The following MKRN2 variants were observed in gnomAD, a reference collection of about 807,000 sequenced individuals.
MKRN2 encodes makorin ring finger protein 2, also known as E3 ubiquitin-protein ligase makorin-2.
Under a neutral mutation model 45.4 loss-of-function variants are expected in MKRN2, and 32 were observed. That is an observed-to-expected ratio of 0.70 (90% confidence interval 0.53 to 0.95). The LOEUF is 0.95. Ranked by LOEUF, MKRN2 falls within the 40% of genes least tolerant of loss-of-function variation. The pLI, the probability that MKRN2 is intolerant of heterozygous loss-of-function variation, is 0.00. For missense variants in MKRN2, 526 were observed against 536.7 expected (o/e 0.98, Z 0.20); for synonymous variants, 206 against 192.4 (o/e 1.07, Z -0.59).
chr3:12,574,779 G>C lies in MKRN2; in HGVS notation c.643-13G>C. On this transcript the variant is annotated splice_polypyrimidine_tract_variant and intron_variant, in intron 4 of 7. Coordinates refer to ENST00000170447, the MANE Select transcript of MKRN2 (RefSeq NM_014160.5). ...GCCCACAACCAAAGCCTTCCTTCCT[G>C]TCTGTGCTTCAGATCTGCATGTTGA... 1 of 1,609,630 alleles carries C rather than the reference G, an allele frequency of 6.2e-7. No homozygotes were observed. Among genetic ancestry groups the C allele is most frequent in the Non-Finnish European group, 8.5e-7 (1 of 1,177,210 alleles).
At chr3:12,561,783 TA>T (rs1297601155) in intron 1 of MKRN2, among the ~76,000 whole-genome samples, 3 of 151,328 alleles carry the variant, frequency 2.0e-5, no homozygotes, top group African/African-American at 4.9e-5. Flanking sequence ...CTTTTTTTTT[TA>T]AATTATTATA....
At position 12,582,521 on chromosome 3, in the gene MKRN2, AC is replaced by A; in HGVS notation, c.*269del. On this transcript the variant is annotated 3_prime_UTR_variant, in exon 8 of 8. Coordinates refer to ENST00000170447, the MANE Select transcript of MKRN2 (RefSeq NM_014160.5). ...GCCCCTCAGGGGTAACAACTAACAA[AC>A]ACCCAAACTGTTTGGATTGATTGCT... 2 of 356,106 alleles carry A rather than the reference AC, an allele frequency of 5.6e-6. No homozygotes were observed. The highest frequency in any genetic ancestry group is 1.6e-3 in the Middle Eastern group (2 of 1,230). 22.1% of individuals were successfully genotyped at this position (356,106 alleles called of 1,614,324 possible).
At position 12,582,178 on chromosome 3, in the gene MKRN2, C is replaced by G. The variant is rs2058186407; in HGVS notation, c.1176C>G (p.Asn392Lys). The change falls in exon 8 of 8, where the codon AAC becomes AAG. Residue 392 changes from asparagine (N) to lysine (K), a missense_variant. Coordinates refer to ENST00000170447, the MANE Select transcript of MKRN2 (RefSeq NM_014160.5). ...ACCGAGAAAGCCGGCATGTCCCCAA[C>G]AATGAAGATGTCGACATGACAGAGC... is the stretch of plus-strand genomic sequence containing the variant. Reference protein sequence around the residue: ...IENRESRHVPNNEDVDMTELG... With the variant: ...IENRESRHVPKNEDVDMTELG... 1 of 1,614,142 alleles carries G rather than the reference C, an allele frequency of 6.2e-7. No homozygotes were observed. Among genetic ancestry groups the G allele is most frequent in the South Asian group, 1.1e-5 (1 of 91,062 alleles).
rs141262624 is a variant in MKRN2 at position 12,566,908 on chromosome 3, T to G, written c.27-1967T>G. ...GTGAGCCACCACACCTAGTATTTGG[T>G]CTTATTTAAATCATCCATTTCTCTC... On this transcript the variant is annotated intron_variant, in intron 1 of 7. Transcript: ENST00000170447. 1.6e-3 allele frequency among the ~76,000 whole-genome samples: 244 copies of G among 152,356 alleles called. 3 individuals carry two copies. The highest frequency in any genetic ancestry group is 3.1e-3 in the Admixed American group (47 of 15,298).
At chr3:12,575,867 G>A (rs1235808259) in intron 5 of MKRN2, among the ~76,000 whole-genome samples, 3 of 152,096 alleles carry the variant, frequency 2.0e-5, no homozygotes, top group African/African-American at 4.8e-5. Flanking sequence ...CCTTCTCCTG[G>A]CGGAATATGT....
chr3:12,573,651 T>A (rs1417218605), intron 4 of MKRN2, among the ~76,000 whole-genome samples: 1 of 152,198 alleles, frequency 6.6e-6, no homozygotes, highest in Non-Finnish European at 1.5e-5. Flanking sequence ...CCCAGCACTT[T>A]GGGAGGACGA....
At chr3:12,575,107 C>T (rs2058123579) in intron 5 of MKRN2, 101 bp downstream of exon 5, 1 of 1,068,464 alleles carries the variant, frequency 9.4e-7, no homozygotes, top group African/African-American at 1.6e-5. Context: ...TCAAGAGTAA[C>T]TGGTGAGTTC....
intron 2 of MKRN2, 92 bp downstream of exon 2, chr3:12,569,095 T>C: frequency 1.3e-5 from 18 of 1,413,662 alleles, no homozygotes; most frequent in South Asian, 4.3e-5. Flanking sequence ...AAAAGTAATA[T>C]GGCAACATCA....
At chr3:12,579,677 G>T (rs1487915213) in intron 6 of MKRN2, among the ~76,000 whole-genome samples, 2 of 152,196 alleles carry the variant, frequency 1.3e-5, no homozygotes, top group Admixed American at 6.5e-5. Flanking sequence ...GCACAGAAGG[G>T]TGTAGGTTTT....
intron 1 of MKRN2, among the ~76,000 whole-genome samples, chr3:12,563,575 C>T (rs1285546987): frequency 6.7e-6 from 1 of 148,868 alleles, no homozygotes; most frequent in African/African-American, 2.5e-5. Flanking sequence ...CTGCAGCCTC[C>T]GCCTCCTGAG....
At chr3:12,568,734 T>C in intron 1 of MKRN2, 141 bp from the exon 2 acceptor site, 2 of 1,087,610 alleles carry the variant, frequency 1.8e-6, no homozygotes, top group East Asian at 2.6e-5. Context: ...AGGAAATATA[T>C]AGATCTCTCT....
At chr3:12,573,687 A>T (rs1400639205) in intron 4 of MKRN2, among the ~76,000 whole-genome samples, 7 of 152,050 alleles carry the variant, frequency 4.6e-5, no homozygotes, top group Non-Finnish European at 1.0e-4. Flanking sequence ...AGGTCAGGAG[A>T]TTGAGACCAT....
chr3:12,572,963 AG>A (rs1575520695), intron 4 of MKRN2, among the ~76,000 whole-genome samples: 1 of 152,348 alleles, frequency 6.6e-6, no homozygotes, highest in East Asian at 1.9e-4. Context: ...CTAAGTTCAA[AG>A]AACAGATCTA....
At chr3:12,563,411 A>G (rs1231213441) in intron 1 of MKRN2, among the ~76,000 whole-genome samples, 1 of 150,754 alleles carries the variant, frequency 6.6e-6, no homozygotes, top group Non-Finnish European at 1.5e-5. Flanking sequence ...CTTTCTCTGG[A>G]GACACCAGCA....
intron 5 of MKRN2, among the ~76,000 whole-genome samples, chr3:12,575,780 GGC>G (rs1462794596): frequency 6.6e-6 from 1 of 152,096 alleles, no homozygotes; most frequent in African/African-American, 2.4e-5. Flanking sequence ...TAGAATTTGG[GGC>G]CTTTTGTGCC....
rs192711881 is a variant in MKRN2 at position 12,579,973 on chromosome 3, C to A, written c.969-1835C>A. Among the ~76,000 whole-genome samples the A allele has an allele frequency of 6.9e-3, 1,044 of 151,944 alleles. 6 individuals are homozygous for A. The highest frequency in any genetic ancestry group is 0.024 in the African/African-American group (984 of 41,448). ...CTCCGTGCTGCTCTGAAGGTGGAAA[C>A]TGGTGGGAGTGGGAGGGAGGCCAGT... On this transcript the variant is annotated intron_variant, in intron 6 of 7. Coordinates refer to ENST00000170447, the MANE Select transcript of MKRN2 (RefSeq NM_014160.5).
rs547546493 is a variant in MKRN2 at position 12,583,614 on chromosome 3, T to G, written c.*1361T>G. On this transcript the variant is annotated 3_prime_UTR_variant, in exon 8 of 8. Transcript: ENST00000170447. The stretch of plus-strand genomic sequence containing the variant: ...AACAGCCAGCCATTACACCTAAATT[T>G]AATTTATTTTATTAAAATAACATAA... The G allele has an allele frequency of 1.3e-5, 3 of 231,594 alleles. No individual in the cohort carries two copies. Among genetic ancestry groups the G allele is most frequent in the African/African-American group, 6.6e-5 (3 of 45,262 alleles). The allele number at this position is 231,594 out of a possible 1,614,324, so 14.3% of individuals were successfully genotyped here.
intron 3 of MKRN2, 57 bp downstream of exon 3, chr3:12,570,309 T>G: frequency 6.5e-7 from 1 of 1,528,434 alleles, no homozygotes. Context: ...TGTTAATGCT[T>G]GGTGCTCCTT....
At chr3:12,570,639 G>A (rs1422494864) in intron 3 of MKRN2, among the ~76,000 whole-genome samples, 1 of 152,054 alleles carries the variant, frequency 6.6e-6, no homozygotes, top group Non-Finnish European at 1.5e-5. Flanking sequence ...CACTTTGGGA[G>A]GCTGAGGCGG....
Sources: allele counts gnomAD v4.1 joint callset (sites outside exome capture counted in the v4.1 genomes callset), GRCh38; gene constraint gnomAD v4.1.1; transcripts MANE v1.5; gene names NCBI Gene and HGNC (gene_info 2026-07-23, HGNC 2026-07-21).